The following ATRNL1 variants were observed in gnomAD, a reference collection of about 807,000 sequenced individuals.
ATRNL1 encodes attractin-like protein 1.
Under a neutral mutation model 182.7 loss-of-function variants are expected in ATRNL1, and 95 were observed. The ratio of observed to expected loss-of-function variants is 0.52; its 90% confidence interval spans 0.44 to 0.62. The LOEUF (loss-of-function observed/expected upper bound fraction) is 0.62, where lower values mean the gene tolerates loss of function less well. Among genes scored for constraint, ATRNL1 ranks in the 20% least tolerant of loss-of-function variants. ATRNL1 has a pLI of 0.00. For synonymous variants in ATRNL1, 576 were observed against 568.3 expected (o/e 1.01, Z -0.19); for missense variants, 1,471 against 1,679.5 (o/e 0.88, Z 2.17).
At chr10:115,438,051 A>T (rs1846487798) in intron 21 of ATRNL1, among the ~76,000 whole-genome samples, 1 of 152,016 alleles carries the variant, frequency 6.6e-6, no homozygotes, top group Non-Finnish European at 1.5e-5. Context: ...ATATTAACTG[A>T]ATCATTAACT....
At chr10:115,503,990 A>C (rs1369427713) in intron 24 of ATRNL1, among the ~76,000 whole-genome samples, 1 of 151,952 alleles carries the variant, frequency 6.6e-6, no homozygotes, top group Non-Finnish European at 1.5e-5. Flanking sequence ...AAATTTGTTC[A>C]CCTTTTCAAA....
chr10:115,233,568 A>G (rs1447990986), intron 9 of ATRNL1, among the ~76,000 whole-genome samples: 1 of 152,116 alleles, frequency 6.6e-6, no homozygotes, highest in Non-Finnish European at 1.5e-5. Context: ...TGTTGAATAG[A>G]AGTGTGATAA....
chr10:115,150,914 T>C (rs935294725), intron 5 of ATRNL1, among the ~76,000 whole-genome samples: 1 of 152,140 alleles, frequency 6.6e-6, no homozygotes, highest in Admixed American at 6.6e-5. Flanking sequence ...ATGTTTCCCT[T>C]CCTGTGTCCA....
intron 27 of ATRNL1, among the ~76,000 whole-genome samples, chr10:115,750,863 T>A (rs1219856124): frequency 2.0e-5 from 3 of 152,048 alleles, no homozygotes; most frequent in Admixed American, 6.6e-5. Context: ...GAAAAGATGT[T>A]CCAATTCACT....
At chr10:115,181,798 A>G (rs1847756939) in intron 8 of ATRNL1, among the ~76,000 whole-genome samples, 2 of 151,754 alleles carry the variant, frequency 1.3e-5, no homozygotes, top group South Asian at 4.1e-4. Flanking sequence ...AAGAAGACAA[A>G]GTACCATCAT....
At chr10:115,186,401 T>A (rs782578395) in intron 8 of ATRNL1, among the ~76,000 whole-genome samples, 1 of 152,054 alleles carries the variant, frequency 6.6e-6, no homozygotes, top group African/African-American at 2.4e-5. Context: ...CGAAGAGATA[T>A]CTACACTCCC....
chr10:115,494,031 G>A (rs1849432363), intron 24 of ATRNL1, among the ~76,000 whole-genome samples: 1 of 152,014 alleles, frequency 6.6e-6, no homozygotes, highest in Admixed American at 6.6e-5. Context: ...ACCATTGTTG[G>A]ATGCATAGTT....
At chr10:115,722,852 C>T (rs1397718147) in intron 26 of ATRNL1, among the ~76,000 whole-genome samples, 1 of 151,870 alleles carries the variant, frequency 6.6e-6, no homozygotes, top group African/African-American at 2.4e-5. Context: ...ACAAAACATC[C>T]CCATTCTAAA....
intron 25 of ATRNL1, among the ~76,000 whole-genome samples, chr10:115,528,421 A>T (rs574515009): frequency 6.6e-6 from 1 of 152,176 alleles, no homozygotes; most frequent in African/African-American, 2.4e-5. Context: ...ATAATTGTTC[A>T]TAGTACTCTC....
At chr10:115,688,523 A>G (rs1946290843) in intron 26 of ATRNL1, among the ~76,000 whole-genome samples, 1 of 152,084 alleles carries the variant, frequency 6.6e-6, no homozygotes, top group Non-Finnish European at 1.5e-5. Flanking sequence ...GTGAGATGGT[A>G]TCTGATTGTG....
Position 115,944,741 on chromosome 10 carries a change from C to G in ATRNL1, c.4102C>G (p.Arg1368Gly). ...AGATAAGACTTCTGGAGTCCGGAATCGAAAACACCTTTCAACACGTCAAGG... is the reference window on the plus strand; with the variant it reads ...AGATAAGACTTCTGGAGTCCGGAATGGAAAACACCTTTCAACACGTCAAGG... The part of the protein sequence containing the change: ...SKDKTSGVRN[R>G]KHLSTRQGTC... Residue 1368 changes from arginine to glycine, a missense_variant, in exon 29 of 29, where the codon CGA (arginine) becomes GGA (glycine). Coordinates refer to ENST00000355044, the MANE Select transcript of ATRNL1 (RefSeq NM_207303.4). The G allele has an allele frequency of 6.2e-7, 1 of 1,613,680 alleles. No homozygotes were observed. Among genetic ancestry groups the G allele is most frequent in the Non-Finnish European group, 8.5e-7 (1 of 1,179,726 alleles).
chr10:115,276,709 C>T (rs1399698492), intron 13 of ATRNL1, among the ~76,000 whole-genome samples: 3 of 152,078 alleles, frequency 2.0e-5, no homozygotes, highest in Non-Finnish European at 4.4e-5. Context: ...ATTTACATGT[C>T]AGTATATTAG....
intron 5 of ATRNL1, among the ~76,000 whole-genome samples, chr10:115,138,020 A>G (rs1043325022): frequency 6.6e-6 from 1 of 152,232 alleles, no homozygotes; most frequent in African/African-American, 2.4e-5. Context: ...TGGCAAAGCA[A>G]AGGGGCCACA....
chr10:115,391,666 G>T (rs371786652), intron 19 of ATRNL1, among the ~76,000 whole-genome samples: 2 of 151,188 alleles, frequency 1.3e-5, no homozygotes, highest in East Asian at 3.9e-4. Context: ...ATAATCTCTT[G>T]TCTGGATTCC....
intron 1 of ATRNL1, among the ~76,000 whole-genome samples, chr10:115,099,065 GT>G (rs1237012732): frequency 1.3e-5 from 2 of 152,172 alleles, no homozygotes; most frequent in Non-Finnish European, 2.9e-5. Context: ...GTTTCCATGT[GT>G]TTCCTTTGTA....
chr10:115,208,555 A>G (rs74490246), intron 8 of ATRNL1, among the ~76,000 whole-genome samples: 1 of 152,028 alleles, frequency 6.6e-6, no homozygotes, highest in African/African-American at 2.4e-5. Context: ...AGCAACTTTC[A>G]GTTTATTGCT....
In ATRNL1 at chr10:115,315,695, C is replaced by A; in HGVS notation, c.2996C>A (p.Pro999His). The change falls in exon 18 of 29, where the codon CCC (proline) becomes CAC (histidine). Residue 999 changes from proline to histidine, a missense_variant. This residue lies in a region of ATRNL1 where 437 missense variants were observed against 506.0 expected (regional missense o/e 0.86). Coordinates refer to ENST00000355044, the MANE Select transcript of ATRNL1 (RefSeq NM_207303.4). ...ATGGTTCTTGACACCAATCTTTGCC[C>A]CAAAGAAAAGAACTATGAGTGGTCC... ...SEMVLDTNLCPKEKNYEWSFI... is the reference protein window; with the variant it reads ...SEMVLDTNLCHKEKNYEWSFI... The A allele has an allele frequency of 6.2e-7, 1 of 1,613,558 alleles. No individual in the cohort carries two copies. The highest frequency in any genetic ancestry group is 8.5e-7 in the Non-Finnish European group (1 of 1,179,840).
intron 22 of ATRNL1, among the ~76,000 whole-genome samples, chr10:115,462,519 G>A (rs1847862015): frequency 6.6e-6 from 1 of 151,970 alleles, no homozygotes; most frequent in Non-Finnish European, 1.5e-5. Context: ...GGCTGAGGCA[G>A]GAGATTTGCT....
chr10:115,113,426 C>T (rs1204263978), intron 1 of ATRNL1, among the ~76,000 whole-genome samples: 1 of 152,072 alleles, frequency 6.6e-6, no homozygotes. Flanking sequence ...TGTTTGTTTC[C>T]TAATTGATAT....
Sources: allele counts gnomAD v4.1 joint callset (sites outside exome capture counted in the v4.1 genomes callset), GRCh38; gene constraint gnomAD v4.1.1; regional missense constraint gnomAD v4.1.1; transcripts MANE v1.5; gene names NCBI Gene and HGNC (gene_info 2026-07-23, HGNC 2026-07-21).